Variants in FOXO1 observed in about 807,000 individuals in gnomAD.
The protein encoded by FOXO1 is forkhead box protein O1.
FOXO1 carries 6 observed loss-of-function variants against 44.1 expected under a neutral mutation model. That is an observed-to-expected ratio of 0.14 (90% CI 0.07 to 0.27). The LOEUF is 0.27. FOXO1 is among the 10% of genes least tolerant of loss of function. The pLI is 1.00. For missense variants in FOXO1, 737 were observed against 888.8 expected (o/e 0.83, Z 2.17); for synonymous variants, 380 against 362.7 (o/e 1.05, Z -0.54).
At chr13:40,656,201 T>C (rs1877854634) in intron 1 of FOXO1, among the ~76,000 whole-genome samples, 1 of 152,210 alleles carries the variant, frequency 6.6e-6, no homozygotes, top group Non-Finnish European at 1.5e-5. Flanking sequence ...CATTCTTGCA[T>C]TTGGGTTAGT....
intron 1 of FOXO1, among the ~76,000 whole-genome samples, chr13:40,603,461 CAT>C (rs892926585): frequency 1.2e-4 from 18 of 150,622 alleles, no homozygotes; most frequent in African/African-American, 3.7e-4. Flanking sequence ...TGTGTCTGTA[CAT>C]GTGTGTGTGT....
chr13:40,585,343 G>GCGCGCACACACA (rs10623475), intron 1 of FOXO1, among the ~76,000 whole-genome samples: 313 of 147,124 alleles, frequency 2.1e-3, no homozygotes, highest in African/African-American at 7.5e-3. Flanking sequence ...CTGCGCGCGC[G>GCGCGCACACACA]CACACACACA....
At chr13:40,569,366 GCATGATATA>G (rs1191812065) in intron 1 of FOXO1, among the ~76,000 whole-genome samples, 2 of 152,174 alleles carry the variant, frequency 1.3e-5, no homozygotes, top group African/African-American at 2.4e-5. Context: ...TGTACGGATG[GCATGATATA>G]CATGATATAC....
intron 1 of FOXO1, among the ~76,000 whole-genome samples, chr13:40,621,604 AT>A (rs1363276543): frequency 6.6e-6 from 1 of 152,180 alleles, no homozygotes; most frequent in Non-Finnish European, 1.5e-5. Context: ...AAATGTTTTT[AT>A]TTTGGTAATT....
At chr13:40,635,409 G>A (rs1033882385) in intron 1 of FOXO1, among the ~76,000 whole-genome samples, 2 of 152,118 alleles carry the variant, frequency 1.3e-5, no homozygotes, top group African/African-American at 4.8e-5. Flanking sequence ...AACCCACGAA[G>A]GTTAAGGACT....
chr13:40,621,271 A>C, intron 1 of FOXO1: 1 of 803,756 alleles, frequency 1.2e-6, no homozygotes, highest in Non-Finnish European at 1.9e-6. Flanking sequence ...CATTGTACTG[A>C]CCGATGGCTC....
intron 1 of FOXO1, among the ~76,000 whole-genome samples, chr13:40,624,203 C>T (rs952501858): frequency 6.6e-6 from 1 of 151,200 alleles, no homozygotes; most frequent in Non-Finnish European, 1.5e-5. Context: ...GTGGCCTAAT[C>T]CCAATTCTAA....
intron 1 of FOXO1, among the ~76,000 whole-genome samples, chr13:40,658,979 T>C (rs1451146320): frequency 6.6e-6 from 1 of 151,312 alleles, no homozygotes. Flanking sequence ...ACCACTGCAC[T>C]CCAGCCTGGA....
chr13:40,610,288 G>A (rs937359609), intron 1 of FOXO1, among the ~76,000 whole-genome samples: 16 of 152,072 alleles, frequency 1.1e-4, no homozygotes, highest in South Asian at 4.1e-4. Flanking sequence ...TTTAAAAAAT[G>A]GTAATTATGA....
At position 40,572,501 on chromosome 13, in the gene FOXO1, T is replaced by C. The variant is rs528019006; in HGVS notation, c.631-11641A>G. Among the ~76,000 whole-genome samples, 14 of 152,300 alleles carry C rather than the reference T, an allele frequency of 9.2e-5. No homozygotes were observed. The East Asian group carries it at 2.5e-3, about 27-fold the overall frequency. On this transcript the variant is annotated intron_variant, in intron 1 of 2. Transcript: ENST00000379561. Reference sequence around the variant, plus strand: ...ACACTCTGAATTACACTACCTGCAATGTTGGGTTTTCCTGTAGGGTTTACG... The same window carrying C: ...ACACTCTGAATTACACTACCTGCAACGTTGGGTTTTCCTGTAGGGTTTACG...
chr13:40,599,148 A>G (rs1265117275), intron 1 of FOXO1, among the ~76,000 whole-genome samples: 1 of 151,840 alleles, frequency 6.6e-6, no homozygotes, highest in African/African-American at 2.4e-5. Context: ...AAAAACAAGT[A>G]TATCCACATT....
chr13:40,659,502 A>G (rs1007477905), intron 1 of FOXO1, among the ~76,000 whole-genome samples: 1 of 151,988 alleles, frequency 6.6e-6, no homozygotes, highest in Non-Finnish European at 1.5e-5. Flanking sequence ...GCTTGAAATA[A>G]AGGACACATT....
At chr13:40,661,671 C>A (rs143022666) in intron 1 of FOXO1, among the ~76,000 whole-genome samples, 1 of 152,250 alleles carries the variant, frequency 6.6e-6, no homozygotes, top group East Asian at 1.9e-4. Context: ...TCTAACCACT[C>A]GGTCTCACCA....
intron 1 of FOXO1, among the ~76,000 whole-genome samples, chr13:40,576,797 A>C (rs1006704703): frequency 6.6e-6 from 1 of 152,250 alleles, no homozygotes; most frequent in African/African-American, 2.4e-5. Context: ...TTTTGAAAAC[A>C]GATTTTAAAA....
chr13:40,609,715 G>C (rs766976866), intron 1 of FOXO1, among the ~76,000 whole-genome samples: 1 of 151,996 alleles, frequency 6.6e-6, no homozygotes, highest in Non-Finnish European at 1.5e-5. Context: ...GGGTGGGGGG[G>C]AAAAAAATTC....
At chr13:40,631,359 A>G (rs533068821) in intron 1 of FOXO1, among the ~76,000 whole-genome samples, 6 of 152,354 alleles carry the variant, frequency 3.9e-5, no homozygotes, top group African/African-American at 1.4e-4. Context: ...AACTCTTAGA[A>G]GAAAACATAG....
chr13:40,657,890 T>A (rs1050072009), intron 1 of FOXO1, among the ~76,000 whole-genome samples: 1 of 152,206 alleles, frequency 6.6e-6, no homozygotes, highest in Non-Finnish European at 1.5e-5. Context: ...GTTCTTTAGT[T>A]ATACTACTTC....
intron 1 of FOXO1, among the ~76,000 whole-genome samples, chr13:40,565,731 C>T (rs1046371677): frequency 1.1e-4 from 17 of 152,154 alleles, no homozygotes; most frequent in African/African-American, 3.4e-4. Flanking sequence ...AGATAGTATG[C>T]GTGGAAAGGC....
chr13:40,579,069 TAA>T (rs1874867156), intron 1 of FOXO1, among the ~76,000 whole-genome samples: 1 of 152,208 alleles, frequency 6.6e-6, no homozygotes, highest in African/African-American at 2.4e-5. Context: ...TTCTTGTCTA[TAA>T]AGTAGGAAAA....
Sources: allele counts gnomAD v4.1 joint callset (sites outside exome capture counted in the v4.1 genomes callset), GRCh38; gene constraint gnomAD v4.1.1; transcripts MANE v1.5; gene names NCBI Gene and HGNC (gene_info 2026-07-23, HGNC 2026-07-21).